The following FOXJ2 variants were observed in gnomAD, a reference collection of about 807,000 sequenced individuals.
FOXJ2 encodes forkhead box protein J2.
A neutral mutation model predicts 68.4 loss-of-function variants in FOXJ2; 18 were observed. That is an observed-to-expected ratio of 0.26 (90% confidence interval 0.18 to 0.39). The LOEUF is 0.39. Among genes scored for constraint, FOXJ2 ranks in the 10% least tolerant of loss-of-function variants. FOXJ2 has a pLI of 1.00. For missense variants in FOXJ2, 670 were observed against 726.5 expected (o/e 0.92, Z 0.89); for synonymous variants, 274 against 263.2 (o/e 1.04, Z -0.40).
chr12:8,038,583 A>G lies in FOXJ2; in HGVS notation c.-14-1236A>G, dbSNP rs1206434201. On this transcript the variant is annotated intron_variant, in intron 1 of 10. Coordinates refer to ENST00000162391, the MANE Select transcript of FOXJ2 (RefSeq NM_018416.3). This position sits in a 1 kb window ranked among gnomAD's most constrained non-coding sequence, Gnocchi z 5.3. ...CTGTGCAGGCACAAACCTGCTAGGC[A>G]GCAAGTGCTTAGGGGGTTGCTGGCA... Among the ~76,000 whole-genome samples, 3 of 152,214 alleles carry G rather than the reference A, an allele frequency of 2.0e-5. No individual in the cohort carries two copies. Among genetic ancestry groups the G allele is most frequent in the Non-Finnish European group, 1.5e-5 (1 of 68,032 alleles).
Position 8,042,698 on chromosome 12 carries a change from G to A in FOXJ2, c.374G>A (p.Arg125Gln), listed in dbSNP as rs1013961740. ...RHNLSLNKCF[R>Q]KVPRPRDDPG... Reference sequence around the variant, plus strand: ...AACCTTTCTCTCAACAAGTGTTTCCGGAAGGTGCCCAGACCTCGGGATGAC... The same window carrying A: ...AACCTTTCTCTCAACAAGTGTTTCCAGAAGGTGCCCAGACCTCGGGATGAC... Residue 125 changes from arginine to glutamine, a missense_variant, in exon 3 of 11, where the codon CGG becomes CAG. By Grantham distance (43) the Arg-to-Gln change is conservative. Transcript: ENST00000162391. 2.5e-6 allele frequency: 4 copies of A among 1,614,014 alleles called. No individual in the cohort carries two copies. The highest frequency in any genetic ancestry group is 1.3e-5 in the African/African-American group (1 of 74,912).
chr12:8,052,361 G>C (rs950159857), intron 10 of FOXJ2, among the ~76,000 whole-genome samples: 5 of 151,912 alleles, frequency 3.3e-5, no homozygotes, highest in Non-Finnish European at 5.9e-5. Context: ...TGGGACTACA[G>C]GCACATGTGA....
In FOXJ2 at chr12:8,044,863, TCTC is replaced by T; in HGVS notation, c.725_727del (p.Ser242del). ...TATAACACCAACCATGACTTTAAATTCTCCTACTCAGAGATCAACTTTCAGGAT... is the reference window on the plus strand; with the variant it reads ...TATAACACCAACCATGACTTTAAATTCTACTCAGAGATCAACTTTCAGGAT... On this transcript the variant is annotated inframe_deletion, in exon 6 of 11. Coordinates refer to ENST00000162391, the MANE Select transcript of FOXJ2 (RefSeq NM_018416.3). 1 of 1,614,042 alleles carries T rather than the reference TCTC, an allele frequency of 6.2e-7. No individual in the cohort carries two copies. The highest frequency in any genetic ancestry group is 8.5e-7 in the Non-Finnish European group (1 of 1,179,946).
intron 9 of FOXJ2, 100 bp downstream of exon 9, chr12:8,049,671 A>G: frequency 8.9e-7 from 1 of 1,128,792 alleles, no homozygotes; most frequent in Non-Finnish European, 1.2e-6. Context: ...TTTATGGGGC[A>G]GTGACCCAAA....
rs370480025 is a variant in FOXJ2, at chr12:8,050,984, T to C, written c.1636+364T>C. Among the ~76,000 whole-genome samples the C allele has an allele frequency of 3.0e-4, 34 of 112,360 alleles. No individual in the cohort carries two copies. The East Asian group carries it at 7.1e-3, about 23-fold the overall frequency. The allele number at this position is 112,360 out of a possible 152,430, so 73.7% of individuals were successfully genotyped here. On this transcript the variant is annotated intron_variant, in intron 10 of 10. Coordinates refer to ENST00000162391, the MANE Select transcript of FOXJ2 (RefSeq NM_018416.3). ...CCTCTTCCCTTCCCCTCCCTTCCCT[T>C]CCCCTTCCCTTCCCTTTCCTTCCCC... is the stretch of plus-strand genomic sequence containing the variant.
At chr12:8,036,481 G>A (rs1240983612) in intron 1 of FOXJ2, among the ~76,000 whole-genome samples, 2 of 152,130 alleles carry the variant, frequency 1.3e-5, no homozygotes, top group African/African-American at 4.8e-5. Context: ...CAGCTTCTAT[G>A]GGTATTTCCT....
At chr12:8,047,824 C>T (rs1012949073) in intron 6 of FOXJ2, 58 bp from the exon 7 acceptor site, 32 of 1,523,922 alleles carry the variant, frequency 2.1e-5, no homozygotes, top group Middle Eastern at 3.6e-4. Context: ...CAGGGAAAAT[C>T]CCATTTTGTG....
intron 2 of FOXJ2, among the ~76,000 whole-genome samples, chr12:8,041,498 G>A (rs961996295): frequency 8.6e-5 from 13 of 150,656 alleles, no homozygotes; most frequent in Admixed American, 2.0e-4. Flanking sequence ...GTGAGCCACC[G>A]TACCCAGCCT....
At position 8,040,716 on chromosome 12, in the gene FOXJ2, C is replaced by T. The variant is rs1332994375; in HGVS notation, c.333+551C>T. On this transcript the variant is annotated intron_variant, in intron 2 of 10. Coordinates refer to ENST00000162391, the MANE Select transcript of FOXJ2 (RefSeq NM_018416.3). This position sits in a 1 kb window ranked among gnomAD's most constrained non-coding sequence, Gnocchi z 4.0. ...GATTACAGGCATGAGCCACTGCACC[C>T]GGCCCACATCCTCTTGTCTTCTGAT... Among the ~76,000 whole-genome samples the T allele has an allele frequency of 2.0e-5, 3 of 152,092 alleles. No homozygotes were observed. Among genetic ancestry groups the T allele is most frequent in the African/African-American group, 4.8e-5 (2 of 41,408 alleles).
At chr12:8,048,453 T>G (rs1395100884) in intron 7 of FOXJ2, among the ~76,000 whole-genome samples, 164 bp downstream of exon 7, 10 of 152,268 alleles carry the variant, frequency 6.6e-5, no homozygotes, top group Admixed American at 1.3e-4. Flanking sequence ...GAGCTCTGTC[T>G]TATAGAATTC....
chr12:8,037,326 G>C (rs1391691166), intron 1 of FOXJ2, among the ~76,000 whole-genome samples: 2 of 152,110 alleles, frequency 1.3e-5, no homozygotes, highest in Non-Finnish European at 2.9e-5. Context: ...GCTTGTAGCT[G>C]GTGAGATTTG....
chr12:8,044,621 G>T, intron 5 of FOXJ2, 139 bp from the exon 6 acceptor site: 1 of 771,582 alleles, frequency 1.3e-6, no homozygotes, highest in Non-Finnish European at 2.1e-6. Flanking sequence ...AATGAGGAAA[G>T]AAGGAGAAAA....
intron 6 of FOXJ2, among the ~76,000 whole-genome samples, chr12:8,047,432 A>G (rs1425303212): frequency 6.6e-6 from 1 of 152,140 alleles, no homozygotes; most frequent in African/African-American, 2.4e-5. Context: ...CTGGGCAACA[A>G]GAGCGAAACT....
At chr12:8,045,687 G>A (rs899478804) in intron 6 of FOXJ2, among the ~76,000 whole-genome samples, 2 of 148,888 alleles carry the variant, frequency 1.3e-5, no homozygotes, top group Non-Finnish European at 3.0e-5. Flanking sequence ...GCACAGTTTC[G>A]CTCTTTGTTG....
Position 8,042,697 on chromosome 12 carries a change from C to T in FOXJ2, c.373C>T (p.Arg125Trp), listed in dbSNP as rs895546714. 2 of 1,614,022 alleles carry T rather than the reference C, an allele frequency of 1.2e-6. No individual in the cohort carries two copies. Among genetic ancestry groups the T allele is most frequent in the Non-Finnish European group, 8.5e-7 (1 of 1,180,038 alleles). Residue 125 changes from arginine to tryptophan, a missense_variant, in exon 3 of 11, where the codon CGG becomes TGG. This residue lies in a region of FOXJ2 where 115 missense variants were observed against 164.3 expected (regional missense o/e 0.70). Transcript: ENST00000162391. Reference sequence around the variant, plus strand: ...CAACCTTTCTCTCAACAAGTGTTTCCGGAAGGTGCCCAGACCTCGGGATGA... The same window carrying T: ...CAACCTTTCTCTCAACAAGTGTTTCTGGAAGGTGCCCAGACCTCGGGATGA... Reference protein sequence around the residue: ...RHNLSLNKCFRKVPRPRDDPG... With the variant: ...RHNLSLNKCFWKVPRPRDDPG...
At chr12:8,043,922 A>G (rs1565628916) in intron 4 of FOXJ2, 29 bp from the exon 5 acceptor site, 2 of 1,550,998 alleles carry the variant, frequency 1.3e-6, no homozygotes, top group African/African-American at 1.4e-5. Context: ...GCCTCTGCTT[A>G]TAGATTTCTT....
At chr12:8,043,627 C>T in intron 3 of FOXJ2, 74 bp from the exon 4 acceptor site, 3 of 1,501,684 alleles carry the variant, frequency 2.0e-6, no homozygotes, top group South Asian at 2.3e-5. Context: ...ATTTGCTCTT[C>T]ATTAATACCC....
Position 8,040,427 on chromosome 12 carries a change from C to CT in FOXJ2, c.333+274dup, listed in dbSNP as rs569459287. On this transcript the variant is annotated intron_variant, in intron 2 of 10. Coordinates refer to ENST00000162391, the MANE Select transcript of FOXJ2 (RefSeq NM_018416.3). This position sits in a 1 kb window ranked among gnomAD's most constrained non-coding sequence, Gnocchi z 4.0. ...GTTGCTCATCACACCCTCTTATCTT[C>CT]TTTTTTTTTTTTGAGACAGAGTCTC... Among the ~76,000 whole-genome samples the CT allele has an allele frequency of 7.5e-4, 108 of 144,736 alleles. No individual in the cohort carries two copies. The highest frequency in any genetic ancestry group is 5.9e-3 in the South Asian group (27 of 4,576). The allele number at this position is 144,736 out of a possible 152,430, so 95.0% of individuals were successfully genotyped here.
rs913741867 is a variant in FOXJ2, at chr12:8,038,773, C to T, written c.-14-1046C>T. On this transcript the variant is annotated intron_variant, in intron 1 of 10. Transcript: ENST00000162391. The surrounding 1 kb of genome is among the most constrained non-coding windows in gnomAD (Gnocchi z 5.3). ...CCAGGCAGTGTGGGTGGCAGCAGGG[C>T]GTGCAAGCATCAGGCGTAGGCGGTC... is the stretch of plus-strand genomic sequence containing the variant. 2.6e-5 allele frequency among the ~76,000 whole-genome samples: 4 copies of T among 152,212 alleles called. 1 individual carries two copies. The highest frequency in any genetic ancestry group is 6.3e-3 in the Middle Eastern group (2 of 316).
Sources: allele counts gnomAD v4.1 joint callset (sites outside exome capture counted in the v4.1 genomes callset), GRCh38; gene constraint gnomAD v4.1.1; regional missense constraint gnomAD v4.1.1; non-coding constraint Gnocchi (gnomAD v3.1); transcripts MANE v1.5; gene names NCBI Gene and HGNC (gene_info 2026-07-23, HGNC 2026-07-21).